RGS5: variants seen among roughly 807,000 people sequenced by gnomAD.
RGS5 encodes the protein regulator of G protein signaling 5.
A neutral mutation model predicts 18.9 loss-of-function variants in RGS5; 20 were observed. That is an observed-to-expected ratio of 1.06 (90% CI 0.74 to 1.54). The LOEUF (loss-of-function observed/expected upper bound fraction) is 1.54, where lower values mean the gene tolerates loss of function less well. Among genes scored for constraint, RGS5 ranks in the 40% most tolerant of loss-of-function variants. The pLI, the probability that RGS5 is intolerant of heterozygous loss-of-function variation, is 0.00. For missense variants in RGS5, 201 were observed against 211.8 expected (o/e 0.95, Z 0.32); for synonymous variants, 57 against 76.2 (o/e 0.75, Z 1.31).
intron 2 of RGS5, among the ~76,000 whole-genome samples, chr1:163,261,762 G>A (rs919744923): frequency 5.3e-5 from 8 of 152,256 alleles, no homozygotes; most frequent in Middle Eastern, 3.4e-3. Context: ...ACAGATAACT[G>A]TTGGCTTATA....
At chr1:163,299,004 A>AT (rs112346638) in intron 2 of RGS5, among the ~76,000 whole-genome samples, 13,562 of 152,190 alleles carry the variant, frequency 0.089, 675 homozygotes, top group African/African-American at 0.13. Context: ...GAGGATGGCC[A>AT]TTTGTGTTTC....
intron 2 of RGS5, among the ~76,000 whole-genome samples, chr1:163,269,936 T>A (rs140931576): frequency 1.3e-5 from 2 of 152,232 alleles, no homozygotes; most frequent in African/African-American, 4.8e-5. Flanking sequence ...AGACATAAAC[T>A]TAAACATAGC....
At chr1:163,152,501 T>C (rs1182832641) in intron 4 of RGS5, 49 bp downstream of exon 4, 1 of 1,543,870 alleles carries the variant, frequency 6.5e-7, no homozygotes, top group African/African-American at 1.4e-5. Flanking sequence ...AAATCCTTCC[T>C]GAGAGCTAAT....
intron 1 of RGS5, among the ~76,000 whole-genome samples, chr1:163,198,313 A>T (rs1171339854): frequency 6.6e-6 from 1 of 152,248 alleles, no homozygotes; most frequent in Non-Finnish European, 1.5e-5. Flanking sequence ...GATTAAACAC[A>T]TTATACCCTT....
intron 2 of RGS5, among the ~76,000 whole-genome samples, chr1:163,256,510 A>T (rs1288395414): frequency 6.6e-6 from 1 of 152,238 alleles, no homozygotes; most frequent in Non-Finnish European, 1.5e-5. Context: ...TTTATTAATC[A>T]TTTGGCAGAT....
At chr1:163,158,882 G>C (rs1479221221) in intron 3 of RGS5, among the ~76,000 whole-genome samples, 2 of 152,150 alleles carry the variant, frequency 1.3e-5, no homozygotes, top group African/African-American at 4.8e-5. Context: ...GAGCGCTACG[G>C]GAGACTGGGG....
chr1:163,173,919 C>CA (rs1028090709), intron 1 of RGS5, among the ~76,000 whole-genome samples: 11 of 151,614 alleles, frequency 7.3e-5, no homozygotes, highest in African/African-American at 2.4e-4. Flanking sequence ...ACTGAAAATA[C>CA]AAAAAAAATT....
At chr1:163,232,075 C>T (rs1332968930) in intron 2 of RGS5, among the ~76,000 whole-genome samples, 2 of 150,804 alleles carry the variant, frequency 1.3e-5, no homozygotes, top group Non-Finnish European at 2.9e-5. Context: ...ATTAGGACTC[C>T]ATTGCTTTGT....
At chr1:163,195,266 C>T (rs369341651) in intron 1 of RGS5, among the ~76,000 whole-genome samples, 3 of 152,258 alleles carry the variant, frequency 2.0e-5, no homozygotes, top group South Asian at 2.1e-4. Flanking sequence ...GGAATAATGT[C>T]GTTTGCAGCA....
chr1:163,288,592 A>C (rs921097051), intron 2 of RGS5, among the ~76,000 whole-genome samples: 1 of 152,118 alleles, frequency 6.6e-6, no homozygotes, highest in African/African-American at 2.4e-5. Flanking sequence ...ATCATTTCTC[A>C]ATAAGTATGT....
At chr1:163,295,794 T>A (rs1571346913) in intron 2 of RGS5, among the ~76,000 whole-genome samples, 1 of 152,354 alleles carries the variant, frequency 6.6e-6, no homozygotes. Context: ...CAGATTGATA[T>A]TGTGAATCTT....
intron 2 of RGS5, among the ~76,000 whole-genome samples, chr1:163,264,010 GATGT>G (rs1648516172): frequency 2.0e-5 from 3 of 151,978 alleles, no homozygotes; most frequent in African/African-American, 7.2e-5. Context: ...AGTTTTGACT[GATGT>G]ATGTATGTAA....
chr1:163,282,132 A>G (rs1357177950), intron 2 of RGS5, among the ~76,000 whole-genome samples: 5 of 152,174 alleles, frequency 3.3e-5, no homozygotes, highest in African/African-American at 1.2e-4. Flanking sequence ...AAAGCCATCT[A>G]TGGCATGAAG....
intron 2 of RGS5, among the ~76,000 whole-genome samples, chr1:163,256,174 C>T (rs936641579): frequency 1.3e-5 from 2 of 151,988 alleles, no homozygotes; most frequent in African/African-American, 4.8e-5. Context: ...TCAAATTGTC[C>T]CTGTTTGCAG....
chr1:163,211,256 A>G (rs1003403019), intron 1 of RGS5: 1 of 152,182 alleles, frequency 6.6e-6, no homozygotes, highest in African/African-American at 2.4e-5. Context: ...TGGTACGTTA[A>G]CTTAAGGAGC....
chr1:163,295,439 T>C (rs1394065976), intron 2 of RGS5, among the ~76,000 whole-genome samples: 1 of 152,198 alleles, frequency 6.6e-6, no homozygotes, highest in Non-Finnish European at 1.5e-5. Context: ...CTAACTCAGT[T>C]TCTCGATTGT....
At chr1:163,272,925 G>A (rs1466670097) in intron 2 of RGS5, among the ~76,000 whole-genome samples, 2 of 151,998 alleles carry the variant, frequency 1.3e-5, no homozygotes, top group Non-Finnish European at 2.9e-5. Flanking sequence ...CACACTCGTG[G>A]TTTTGTTTCC....
At position 163,258,638 on chromosome 1, in the gene RGS5, A is replaced by AGT. The variant is rs1314682175; in HGVS notation, c.-281+47593_-281+47594dup. ...TCTTCAAGAGGAAAATGCTAAAGTA[A>AGT]GTGTGTCTGTGTGTGTGTGTGTGTG... On this transcript the variant is annotated intron_variant, in intron 2 of 5. Transcript: ENST00000618415. Among the ~76,000 whole-genome samples the AGT allele has an allele frequency of 3.4e-5, 5 of 147,188 alleles. 1 individual carries two copies. The highest frequency in any genetic ancestry group is 1.3e-4 in the African/African-American group (5 of 39,118).
At chr1:163,174,261 C>T (rs773762097) in intron 1 of RGS5, among the ~76,000 whole-genome samples, 8 of 152,088 alleles carry the variant, frequency 5.3e-5, no homozygotes, top group African/African-American at 7.2e-5. Flanking sequence ...TATGTATATG[C>T]GAATATTGTC....
Sources: allele counts gnomAD v4.1 joint callset (sites outside exome capture counted in the v4.1 genomes callset), GRCh38; gene constraint gnomAD v4.1.1; transcripts MANE v1.5; gene names NCBI Gene and HGNC (gene_info 2026-07-23, HGNC 2026-07-21).